HDAC4: variants seen among roughly 807,000 people sequenced by gnomAD.
HDAC4 encodes the protein histone deacetylase 4, also known as histone deacetylase A.
Under a neutral mutation model 135.1 loss-of-function variants are expected in HDAC4, and 16 were observed. That is an observed-to-expected ratio of 0.12 (90% confidence interval 0.08 to 0.18). The LOEUF is 0.18. Ranked by LOEUF, HDAC4 falls within the 10% of genes least tolerant of loss-of-function variation. HDAC4 has a pLI of 1.00. For missense variants in HDAC4, 1,143 were observed against 1,511.8 expected (o/e 0.76, Z 4.05); for synonymous variants, 685 against 653.4 (o/e 1.05, Z -0.74).
chr2:239,250,835 T>A (rs1181280738), intron 2 of HDAC4, among the ~76,000 whole-genome samples: 1 of 152,116 alleles, frequency 6.6e-6, no homozygotes, highest in Non-Finnish European at 1.5e-5. Context: ...CTCATGGGCC[T>A]CCCCAGCAGA....
chr2:239,051,909 GAATC>G lies in HDAC4; in HGVS notation c.*1184_*1187del, dbSNP rs746524670. 3 of 151,024 alleles carry G rather than the reference GAATC, an allele frequency of 2.0e-5. No individual in the cohort carries two copies. Among genetic ancestry groups the G allele is most frequent in the East Asian group, 1.9e-4 (1 of 5,176 alleles). 9.4% of individuals were successfully genotyped at this position (151,024 alleles called of 1,614,324 possible). A position where few individuals can be genotyped will look rare whatever the true frequency, so the allele number is the denominator to read the frequency against. On this transcript the variant is annotated 3_prime_UTR_variant, in exon 27 of 27. Transcript: ENST00000543185. ...TAAATATTTTATCAAGATTTCATAAGAATCAAGTAAGTTTCTTAGCTTGGAATAC... is the reference window on the plus strand; with the variant it reads ...TAAATATTTTATCAAGATTTCATAAGAAGTAAGTTTCTTAGCTTGGAATAC...
intron 3 of HDAC4, among the ~76,000 whole-genome samples, chr2:239,215,244 G>A (rs948257537): frequency 6.6e-5 from 10 of 152,180 alleles, no homozygotes; most frequent in South Asian, 2.1e-4. Context: ...TGGCCGGGGC[G>A]GGGGAAGGTA....
chr2:239,165,972 T>A (rs551157427), intron 5 of HDAC4, among the ~76,000 whole-genome samples: 1 of 152,328 alleles, frequency 6.6e-6, no homozygotes, highest in East Asian at 1.9e-4. Context: ...CTCACTCTGA[T>A]GGCTCAGAAA....
rs1247138084 is a variant in HDAC4, at chr2:239,049,339, A to G, written c.*3758T>C. Reference sequence around the variant, plus strand: ...TGCAAATGTCATGAGAGGGGAACAGAAAGGCATTTTTCTTCTTCCCCAAAG... The same window carrying G: ...TGCAAATGTCATGAGAGGGGAACAGGAAGGCATTTTTCTTCTTCCCCAAAG... On this transcript the variant is annotated 3_prime_UTR_variant, in exon 27 of 27. Transcript: ENST00000543185. 1 of 152,590 alleles carries G rather than the reference A, an allele frequency of 6.6e-6. No homozygotes were observed. Among genetic ancestry groups the G allele is most frequent in the Non-Finnish European group, 1.5e-5 (1 of 68,034 alleles). 9.5% of individuals were successfully genotyped at this position (152,590 alleles called of 1,614,324 possible).
chr2:239,375,823 C>T (rs377165477), intron 1 of HDAC4, among the ~76,000 whole-genome samples: 5 of 152,302 alleles, frequency 3.3e-5, no homozygotes, highest in African/African-American at 1.2e-4. Context: ...CCAGTGAGTG[C>T]CCCCGACTGC....
intron 2 of HDAC4, among the ~76,000 whole-genome samples, chr2:239,346,294 A>C (rs1692661343): frequency 1.3e-5 from 2 of 150,748 alleles, no homozygotes; most frequent in South Asian, 4.2e-4. Context: ...CACACCCTAA[A>C]ACACAAACAC....
At chr2:239,354,409 C>A (rs1178914661) in intron 1 of HDAC4, among the ~76,000 whole-genome samples, 1 of 152,112 alleles carries the variant, frequency 6.6e-6, no homozygotes, top group Admixed American at 6.6e-5. Flanking sequence ...TTCAATAGAT[C>A]AGTCACTAGA....
intron 3 of HDAC4, among the ~76,000 whole-genome samples, chr2:239,231,676 A>G (rs1404259090): frequency 1.4e-4 from 8 of 56,610 alleles, no homozygotes; most frequent in East Asian, 6.2e-4. Context: ...GCTGCTGAGC[A>G]CCTGCTCCCG....
At chr2:239,074,235 G>T (rs953249115) in intron 22 of HDAC4, among the ~76,000 whole-genome samples, 4 of 152,246 alleles carry the variant, frequency 2.6e-5, no homozygotes, top group Admixed American at 1.3e-4. Flanking sequence ...CCATGCTTTT[G>T]GTGTGGATTT....
chr2:239,089,448 C>CCTT (rs2036289269), intron 18 of HDAC4, among the ~76,000 whole-genome samples: 1 of 152,216 alleles, frequency 6.6e-6, no homozygotes, highest in East Asian at 1.9e-4. Context: ...CAGCCTCAGC[C>CCTT]TCCCAAGTAG....
intron 7 of HDAC4, among the ~76,000 whole-genome samples, chr2:239,145,333 G>A (rs974579664): frequency 2.0e-5 from 3 of 152,062 alleles, no homozygotes; most frequent in South Asian, 4.1e-4. Context: ...CAACATCTGC[G>A]CCGGCTTCAC....
chr2:239,373,823 G>C (rs577821650), intron 1 of HDAC4, among the ~76,000 whole-genome samples: 19 of 152,266 alleles, frequency 1.2e-4, no homozygotes, highest in African/African-American at 4.1e-4. Context: ...TCTGTCAATT[G>C]CATCTTTGTC....
intron 1 of HDAC4, among the ~76,000 whole-genome samples, chr2:239,360,209 C>T (rs1286308205): frequency 1.3e-5 from 2 of 152,142 alleles, no homozygotes; most frequent in Admixed American, 6.5e-5. Flanking sequence ...CAGGCAGCGC[C>T]GCCAATGTGG....
chr2:239,395,412 G>T (rs1696492504), intron 1 of HDAC4, among the ~76,000 whole-genome samples: 1 of 152,230 alleles, frequency 6.6e-6, no homozygotes, highest in African/African-American at 2.4e-5. Context: ...TCCCCACCTT[G>T]AAGAGCTTAC....
chr2:239,161,714 G>C (rs923182947), intron 6 of HDAC4: 3 of 342,954 alleles, frequency 8.7e-6, no homozygotes, highest in Non-Finnish European at 1.7e-5. Flanking sequence ...TAAAGCCAGG[G>C]CACGCCGCCC....
intron 17 of HDAC4, among the ~76,000 whole-genome samples, chr2:239,092,189 T>C (rs1019855200): frequency 6.8e-6 from 1 of 148,062 alleles, no homozygotes; most frequent in African/African-American, 2.5e-5. Context: ...CAGTTAGCCA[T>C]GAATGCACCG....
At chr2:239,064,707 A>T (rs967690447) in intron 24 of HDAC4, among the ~76,000 whole-genome samples, 2 of 152,200 alleles carry the variant, frequency 1.3e-5, no homozygotes, top group African/African-American at 4.8e-5. Flanking sequence ...GAGGTGGTGG[A>T]GGTGGGAACT....
intron 2 of HDAC4, among the ~76,000 whole-genome samples, chr2:239,301,161 G>A (rs576953487): frequency 5.9e-5 from 9 of 152,190 alleles, no homozygotes; most frequent in Non-Finnish European, 1.0e-4. Flanking sequence ...GGAGCCAGCC[G>A]GGCACCACCC....
At position 239,141,235 on chromosome 2, in the gene HDAC4, G is replaced by C. The variant is rs2041356856; in HGVS notation, c.866-1439C>G. 6.6e-6 allele frequency among the ~76,000 whole-genome samples: 1 copy of C among 152,100 alleles called. No homozygotes were observed. The highest frequency in any genetic ancestry group is 1.5e-5 in the Non-Finnish European group (1 of 68,006). On this transcript the variant is annotated intron_variant, in intron 8 of 26. Transcript: ENST00000543185. The surrounding 1 kb of genome is among the most constrained non-coding windows in gnomAD (Gnocchi z 4.9). ...CACGCTGCCCACCAGGAACACCCTG[G>C]GAACATCTTGCCCTCAACAGCAGGG...
Sources: allele counts gnomAD v4.1 joint callset (sites outside exome capture counted in the v4.1 genomes callset), GRCh38; gene constraint gnomAD v4.1.1; non-coding constraint Gnocchi (gnomAD v3.1); transcripts MANE v1.5; gene names NCBI Gene and HGNC (gene_info 2026-07-23, HGNC 2026-07-21).